Variants in NEGR1 observed in about 807,000 individuals in gnomAD.
NEGR1 encodes the protein IgLON family member 4.
Under a neutral mutation model 40.9 loss-of-function variants are expected in NEGR1, and 10 were observed. The observed-to-expected ratio is 0.24, with a 90% CI of 0.15 to 0.42. The LOEUF (loss-of-function observed/expected upper bound fraction) is 0.42. Among genes scored for constraint, NEGR1 ranks in the 10% least tolerant of loss-of-function variants. NEGR1 has a pLI of 1.00. For missense variants in NEGR1, 352 were observed against 438.9 expected (o/e 0.80, Z 1.77); for synonymous variants, 185 against 166.8 (o/e 1.11, Z -0.84).
intron 3 of NEGR1, among the ~76,000 whole-genome samples, chr1:71,761,212 G>C (rs996664187): frequency 2.9e-4 from 44 of 152,156 alleles, no homozygotes; most frequent in African/African-American, 9.2e-4. Flanking sequence ...CTGATGGTAA[G>C]TAACTTAGGC....
chr1:71,448,233 G>GAAA (rs11413345), intron 6 of NEGR1, among the ~76,000 whole-genome samples: 2 of 146,556 alleles, frequency 1.4e-5, no homozygotes. Context: ...TTCTCTGAGA[G>GAAA]AAAAAAAAAA....
At chr1:72,018,317 G>A (rs1369722180) in intron 1 of NEGR1, among the ~76,000 whole-genome samples, 1 of 152,140 alleles carries the variant, frequency 6.6e-6, no homozygotes, top group Non-Finnish European at 1.5e-5. Context: ...ATAGCCTATT[G>A]AGTGGAGAAA....
chr1:71,996,166 C>T (rs1354451862), intron 1 of NEGR1, among the ~76,000 whole-genome samples: 3 of 152,016 alleles, frequency 2.0e-5, no homozygotes, highest in Non-Finnish European at 4.4e-5. Context: ...ATAACATTTA[C>T]AACATTATAA....
rs186874587 is a variant in NEGR1 at position 71,452,262 on chromosome 1, C to T, written c.941-44692G>A. 1.9e-3 allele frequency among the ~76,000 whole-genome samples: 282 copies of T among 152,282 alleles called. 5 individuals carry two copies. Among genetic ancestry groups the T allele is most frequent in the Admixed American group, 9.2e-3 (140 of 15,298 alleles). On this transcript the variant is annotated intron_variant, in intron 6 of 6. Transcript: ENST00000357731. ...CTAGTGCAGAGATGCAAAGGTCATC[C>T]TCAATGATATCACTACACATTACAT... is the stretch of plus-strand genomic sequence containing the variant.
intron 1 of NEGR1, among the ~76,000 whole-genome samples, chr1:72,080,036 T>C (rs1319726432): frequency 2.0e-5 from 3 of 152,088 alleles, no homozygotes; most frequent in Non-Finnish European, 4.4e-5. Flanking sequence ...TCAATAACCC[T>C]TGAAATACTT....
intron 1 of NEGR1, chr1:72,274,691 T>TATGC: frequency 1.0e-6 from 1 of 979,218 alleles, no homozygotes; most frequent in South Asian, 1.3e-5. Context: ...AAAAAACCCA[T>TATGC]TGAAGAAATC....
At chr1:71,660,895 C>T (rs1466845294) in intron 4 of NEGR1, among the ~76,000 whole-genome samples, 1 of 152,180 alleles carries the variant, frequency 6.6e-6, no homozygotes, top group East Asian at 1.9e-4. Context: ...GTTCCCCTCT[C>T]TGTGCCCATA....
At chr1:71,626,324 T>C (rs958837658) in intron 4 of NEGR1, among the ~76,000 whole-genome samples, 1 of 151,886 alleles carries the variant, frequency 6.6e-6, no homozygotes, top group Admixed American at 6.6e-5. Flanking sequence ...ACTCGTCATT[T>C]AATATTAGGT....
chr1:71,443,536 A>G (rs767383432), intron 6 of NEGR1, among the ~76,000 whole-genome samples: 7 of 152,178 alleles, frequency 4.6e-5, no homozygotes, highest in Non-Finnish European at 8.8e-5. Context: ...CAAGTGCAGA[A>G]TAGCCATCAA....
At chr1:72,030,973 C>T (rs1057304637) in intron 1 of NEGR1, among the ~76,000 whole-genome samples, 4 of 152,146 alleles carry the variant, frequency 2.6e-5, no homozygotes, top group Non-Finnish European at 4.4e-5. Flanking sequence ...AAAATTAAGT[C>T]GTAAGAGTTT....
intron 4 of NEGR1, among the ~76,000 whole-genome samples, chr1:71,684,974 AT>A (rs1557612287): frequency 6.6e-6 from 1 of 152,018 alleles, no homozygotes; most frequent in Non-Finnish European, 1.5e-5. Flanking sequence ...TCTTTAAGGT[AT>A]TTTTTCTTCA....
chr1:71,930,588 A>G (rs1279604645), intron 2 of NEGR1, among the ~76,000 whole-genome samples: 1 of 152,174 alleles, frequency 6.6e-6, no homozygotes, highest in Non-Finnish European at 1.5e-5. Context: ...ATAAAATAGA[A>G]TATTAATAAT....
chr1:72,267,387 GA>G (rs1655682968), intron 1 of NEGR1, among the ~76,000 whole-genome samples: 1 of 150,772 alleles, frequency 6.6e-6, no homozygotes, highest in South Asian at 2.1e-4. Flanking sequence ...ATTTTAATGT[GA>G]AAAAAGAATA....
intron 3 of NEGR1, among the ~76,000 whole-genome samples, chr1:71,774,116 T>C (rs1404613242): frequency 6.6e-6 from 1 of 152,200 alleles, no homozygotes; most frequent in African/African-American, 2.4e-5. Flanking sequence ...ATGCCTATTA[T>C]ATTTTTTGAG....
At chr1:71,475,944 T>G (rs183000147) in intron 6 of NEGR1, among the ~76,000 whole-genome samples, 23 of 152,176 alleles carry the variant, frequency 1.5e-4, no homozygotes, top group African/African-American at 5.5e-4. Flanking sequence ...TTAGCCTTGA[T>G]ACACAAAACT....
At chr1:72,094,909 CT>C (rs912410554) in intron 1 of NEGR1, among the ~76,000 whole-genome samples, 1 of 152,128 alleles carries the variant, frequency 6.6e-6, no homozygotes, top group Non-Finnish European at 1.5e-5. Context: ...TGCATCAAAA[CT>C]CCTAAAAGGT....
chr1:72,229,391 A>G (rs761190578), intron 1 of NEGR1, among the ~76,000 whole-genome samples: 113 of 148,570 alleles, frequency 7.6e-4, no homozygotes, highest in Admixed American at 2.2e-3. Context: ...TTGATTTTAA[A>G]TGATATTTTA....
intron 6 of NEGR1, among the ~76,000 whole-genome samples, chr1:71,417,741 A>C (rs1373539349): frequency 6.6e-6 from 1 of 152,180 alleles, no homozygotes; most frequent in African/African-American, 2.4e-5. Flanking sequence ...AGCAAATTAG[A>C]CAACTAAGTG....
intron 3 of NEGR1, among the ~76,000 whole-genome samples, chr1:71,699,084 T>C (rs1481764531): frequency 6.6e-6 from 1 of 151,992 alleles, no homozygotes; most frequent in Non-Finnish European, 1.5e-5. Flanking sequence ...AAGGGAATTA[T>C]GGAATGAAGC....
Sources: allele counts gnomAD v4.1 joint callset (sites outside exome capture counted in the v4.1 genomes callset), GRCh38; gene constraint gnomAD v4.1.1; transcripts MANE v1.5; gene names NCBI Gene and HGNC (gene_info 2026-07-23, HGNC 2026-07-21).